Variants in FSAF1 observed in about 807,000 individuals in gnomAD.
The protein encoded by FSAF1 is uncharacterized protein C1orf131.
chr1:231,228,383 G>C, the FSAF1 span, among the ~76,000 whole-genome samples: 1 of 152,158 alleles, frequency 6.6e-6, no homozygotes, highest in African/African-American at 2.4e-5. Flanking sequence ...TAGATCACTT[G>C]AGGTCAGGAG....
the FSAF1 span, among the ~76,000 whole-genome samples, chr1:231,239,638 C>T: frequency 1.3e-5 from 2 of 152,172 alleles, no homozygotes; most frequent in Non-Finnish European, 2.9e-5. Context: ...AATTTGAATG[C>T]CTTTGTTTTC....
the FSAF1 span, chr1:231,224,644 C>G: frequency 4.1e-6 from 2 of 483,882 alleles, no homozygotes; most frequent in Non-Finnish European, 3.6e-6. Flanking sequence ...CCAGCTCTTT[C>G]CAGGCTGCCC....
At chr1:231,224,662 T>A in the FSAF1 span, 1 of 465,930 alleles carries the variant, frequency 2.1e-6, no homozygotes, top group Non-Finnish European at 3.8e-6. Context: ...CCCCTCTTCT[T>A]TGTTCAGTTC....
At chr1:231,226,107 T>C in the FSAF1 span, among the ~76,000 whole-genome samples, 6 of 144,996 alleles carry the variant, frequency 4.1e-5, no homozygotes, top group East Asian at 1.3e-3. Flanking sequence ...CCTCCAAACC[T>C]CAGGTTGAAA....
chr1:231,236,671 G>A, the FSAF1 span: 8 of 152,176 alleles, frequency 5.3e-5, no homozygotes, highest in South Asian at 8.3e-4. Flanking sequence ...GGAAACTGAA[G>A]TCTGAGACAT....
the FSAF1 span, chr1:231,238,023 A>G: frequency 2.0e-5 from 3 of 152,206 alleles, no homozygotes; most frequent in Admixed American, 2.0e-4. Context: ...TCTACTAAAA[A>G]TACAAAAAAC....
the FSAF1 span, chr1:231,229,307 C>T: frequency 1.4e-6 from 1 of 733,010 alleles, no homozygotes; most frequent in Non-Finnish European, 2.2e-6. Flanking sequence ...TGAAAGTGAC[C>T]CTTTCACACC....
At chr1:231,226,017 A>AC in the FSAF1 span, 1 of 152,880 alleles carries the variant, frequency 6.5e-6, no homozygotes, top group Non-Finnish European at 1.5e-5. Flanking sequence ...AAAAAAAAAA[A>AC]AAAAAAAACC....
the FSAF1 span, chr1:231,229,045 T>C: frequency 5.8e-6 from 4 of 685,742 alleles, no homozygotes; most frequent in Non-Finnish European, 9.5e-6. Context: ...ATAGTTTGCA[T>C]GTTATGTTAT....
the FSAF1 span, among the ~76,000 whole-genome samples, chr1:231,234,356 T>C: frequency 6.6e-6 from 1 of 152,180 alleles, no homozygotes; most frequent in Admixed American, 6.5e-5. This position sits in a 1 kb window ranked among gnomAD's most constrained non-coding sequence, Gnocchi z 4.0. Flanking sequence ...GTGACACAGC[T>C]CTAAGGGCTG....
At chr1:231,238,689 C>A in the FSAF1 span, 4 of 604,790 alleles carry the variant, frequency 6.6e-6, no homozygotes, top group Admixed American at 3.1e-5. Context: ...TGTAGGCCTA[C>A]ATGACTGATA....
At chr1:231,224,652 C>T in the FSAF1 span, 1 of 478,404 alleles carries the variant, frequency 2.1e-6, no homozygotes, top group Non-Finnish European at 3.7e-6. Flanking sequence ...TTCCAGGCTG[C>T]CCCTCTTCTT....
chr1:231,227,063 A>G, the FSAF1 span: 1 of 1,614,100 alleles, frequency 6.2e-7, no homozygotes, highest in Non-Finnish European at 8.5e-7. Context: ...GCACTTCTAA[A>G]CGAGCCTGCG....
At chr1:231,236,302 G>A in the FSAF1 span, among the ~76,000 whole-genome samples, 2 of 152,226 alleles carry the variant, frequency 1.3e-5, no homozygotes, top group African/African-American at 4.8e-5. Context: ...TTTTACAGGT[G>A]TATGTGTTTT....
At chr1:231,228,641 C>T in the FSAF1 span, among the ~76,000 whole-genome samples, 81 of 150,512 alleles carry the variant, frequency 5.4e-4, no homozygotes, top group African/African-American at 2.0e-3. Flanking sequence ...ATTTGCTTAA[C>T]CATTTTCCCA....
At chr1:231,232,603 A>C in the FSAF1 span, among the ~76,000 whole-genome samples, 1 of 152,354 alleles carries the variant, frequency 6.6e-6, no homozygotes, top group East Asian at 1.9e-4. Context: ...TTATCAAATC[A>C]CAGCCTAACC....
the FSAF1 span, chr1:231,224,123 C>T: frequency 2.3e-6 from 2 of 853,282 alleles, no homozygotes; most frequent in South Asian, 4.4e-5. Flanking sequence ...GACACTTCGG[C>T]AACTAGAAAT....
the FSAF1 span, chr1:231,239,100 T>C: frequency 6.2e-7 from 1 of 1,613,970 alleles, no homozygotes; most frequent in Non-Finnish European, 8.5e-7. Flanking sequence ...ATGGCTCTGC[T>C]GCCAAGGCCG....
At chr1:231,240,877 T>C in the FSAF1 span, 11 of 727,786 alleles carry the variant, frequency 1.5e-5, no homozygotes, top group African/African-American at 8.8e-5. This position sits in a 1 kb window ranked among gnomAD's most constrained non-coding sequence, Gnocchi z 4.1. Context: ...AGAAATGTGT[T>C]CGCTACTGGA....
Sources: allele counts gnomAD v4.1 joint callset (sites outside exome capture counted in the v4.1 genomes callset), GRCh38; gene constraint gnomAD v4.1.1; non-coding constraint Gnocchi (gnomAD v3.1); transcripts MANE v1.5; gene names NCBI Gene and HGNC (gene_info 2026-07-23, HGNC 2026-07-21).